Variants in GNRHR observed in about 807,000 individuals in gnomAD.
GNRHR encodes the protein gonadotropin-releasing hormone receptor.
In GNRHR, 14 loss-of-function variants were observed where a neutral mutation model predicts 28.1. The observed-to-expected ratio is 0.50, with a 90% CI of 0.33 to 0.78. The LOEUF (loss-of-function observed/expected upper bound fraction) is 0.78, where lower values mean the gene tolerates loss of function less well. Ranked by LOEUF, GNRHR falls within the 30% of genes least tolerant of loss-of-function variation. GNRHR has a pLI of 0.02. For synonymous variants in GNRHR, 141 were observed against 140.5 expected, an observed-to-expected ratio of 1.00 and a Z score of -0.02; for missense variants, 366 against 382.1, an observed-to-expected ratio of 0.96 and a Z score of 0.35.
At chr4:67,752,941 C>T (rs1257167924) in intron 1 of GNRHR, among the ~76,000 whole-genome samples, 3 of 152,162 alleles carry the variant, frequency 2.0e-5, no homozygotes, top group Non-Finnish European at 2.9e-5. Flanking sequence ...CTGGGTTTAT[C>T]ATGTAGTACA....
chr4:67,752,249 G>A (rs1039109546), intron 1 of GNRHR, among the ~76,000 whole-genome samples: 10 of 150,178 alleles, frequency 6.7e-5, no homozygotes, highest in African/African-American at 2.5e-4. Context: ...TTCTGTCACC[G>A]AGATTGCAGT....
chr4:67,751,284 T>G (rs998809985), intron 1 of GNRHR, among the ~76,000 whole-genome samples: 1 of 152,222 alleles, frequency 6.6e-6, no homozygotes, highest in African/African-American at 2.4e-5. Context: ...GCCATTGTCT[T>G]CATAGGTTTA....
intron 2 of GNRHR, among the ~76,000 whole-genome samples, chr4:67,743,732 T>G (rs1214830400): frequency 1.3e-5 from 2 of 152,190 alleles, no homozygotes; most frequent in African/African-American, 4.8e-5. Context: ...AAATGGAATC[T>G]CTCGAGATAA....
intron 1 of GNRHR, among the ~76,000 whole-genome samples, chr4:67,749,685 C>CCTTTCCTTCCTTCCTTCCTT (rs1731831238): frequency 2.0e-5 from 3 of 151,094 alleles, no homozygotes; most frequent in African/African-American, 4.9e-5. Flanking sequence ...CTCCCTGCCT[C>CCTTTCCTTCCTTCCTTCCTT]CTTTCCTTCG....
At chr4:67,753,729 A>ACTTC (rs1731912162) in intron 1 of GNRHR, 85 bp downstream of exon 1, 1 of 1,134,644 alleles carries the variant, frequency 8.8e-7, no homozygotes, top group Non-Finnish European at 1.3e-6. Flanking sequence ...GTAATACAGT[A>ACTTC]CTTCCTTTGA....
At chr4:67,741,456 G>A (rs1731658521) in intron 2 of GNRHR, among the ~76,000 whole-genome samples, 1 of 152,044 alleles carries the variant, frequency 6.6e-6, no homozygotes, top group Admixed American at 6.6e-5. Context: ...TGATTGATGG[G>A]CATTTGGGCT....
intron 2 of GNRHR, among the ~76,000 whole-genome samples, chr4:67,742,587 T>C (rs1260311290): frequency 6.6e-6 from 1 of 152,236 alleles, no homozygotes; most frequent in Non-Finnish European, 1.5e-5. Flanking sequence ...TCAGGCTGCC[T>C]ACCTGAAATT....
rs550420077 is a variant in GNRHR, at chr4:67,750,191, A to G, written c.522+3623T>C. ...ATTACTGAGATTTGAGCCCAACTCCATTTGAATCTCACACTCATGCCACTT... is the reference window on the plus strand; with the variant it reads ...ATTACTGAGATTTGAGCCCAACTCCGTTTGAATCTCACACTCATGCCACTT... On this transcript the variant is annotated intron_variant, in intron 1 of 2. Transcript: ENST00000226413. Among the ~76,000 whole-genome samples the G allele has an allele frequency of 3.9e-5, 6 of 152,228 alleles. No individual in the cohort carries two copies. The South Asian group carries it at 1.2e-3, about 32-fold the overall frequency.
intron 1 of GNRHR, among the ~76,000 whole-genome samples, chr4:67,751,298 C>T (rs766388943): frequency 7.9e-5 from 12 of 152,104 alleles, no homozygotes; most frequent in Admixed American, 5.2e-4. Flanking sequence ...AGGTTTAGAC[C>T]TTAGCTCTCT....
In GNRHR at chr4:67,740,165, G is replaced by A; in HGVS notation, c.*315C>T. 1 of 272,708 alleles carries A rather than the reference G, an allele frequency of 3.7e-6. No homozygotes were observed. The highest frequency in any genetic ancestry group is 7.1e-6 in the Non-Finnish European group (1 of 141,330). The allele number at this position is 272,708 out of a possible 1,614,324, so 16.9% of individuals were successfully genotyped here. On this transcript the variant is annotated 3_prime_UTR_variant, in exon 3 of 3. Transcript: ENST00000226413. ...GGCATCCTTGTGCCTTAGGCTGAAG[G>A]TATTTTAAATATTAGTACATTATTA...
At position 67,738,448 on chromosome 4, in the gene GNRHR, T is replaced by TA. The variant is rs766610755; in HGVS notation, c.*2031dup. Among the ~76,000 whole-genome samples, 131 of 143,828 alleles carry TA rather than the reference T, an allele frequency of 9.1e-4. No individual in the cohort carries two copies. The highest frequency in any genetic ancestry group is 3.5e-3 in the Middle Eastern group (1 of 284). 94.4% of individuals were successfully genotyped at this position (143,828 alleles called of 152,430 possible). A position where few individuals can be genotyped will look rare whatever the true frequency, so the allele number is the denominator to read the frequency against. On this transcript the variant is annotated 3_prime_UTR_variant, in exon 3 of 3. Transcript: ENST00000226413. Reference sequence around the variant, plus strand: ...TTCGAATAGCCCTTTAGTTAATGTGTAAAAAAAAAAAATGCCTGAGGCAAT... The same window carrying TA: ...TTCGAATAGCCCTTTAGTTAATGTGTAAAAAAAAAAAAATGCCTGAGGCAAT...
At position 67,739,070 on chromosome 4, in the gene GNRHR, A is replaced by T. The variant is rs1386649704; in HGVS notation, c.*1410T>A. Among the ~76,000 whole-genome samples the T allele has an allele frequency of 1.3e-5, 2 of 152,000 alleles. No homozygotes were observed. Among genetic ancestry groups the T allele is most frequent in the Non-Finnish European group, 2.9e-5 (2 of 67,890 alleles). ...TTTGTGGCAGTACATAGCTCATATA[A>T]ATATAATGGTATCTTACCTATTTAA... On this transcript the variant is annotated 3_prime_UTR_variant, in exon 3 of 3. Transcript: ENST00000226413.
rs747104264 is a variant in GNRHR, at chr4:67,753,814, C to T, written c.522G>A (p.Gln174=). 1 of 1,611,096 alleles carries T rather than the reference C, an allele frequency of 6.2e-7. No individual in the cohort carries two copies. Among genetic ancestry groups the T allele is most frequent in the Non-Finnish European group, 8.5e-7 (1 of 1,177,898 alleles). The change falls in exon 1 of 3, where the codon CAG becomes CAA. Residue 174 remains glutamine (Q), a splice_region_variant and synonymous_variant. Transcript: ENST00000226413. ...AATAAGTTTGTGTATAATGGCTTAC[C>T]TGTGGTCCTGCAAAGACACTACTGA... ...WILSSVFAGP[Q]LYIFRMIHLA... is the part of the protein sequence containing the mutation.
Position 67,753,835 on chromosome 4 carries a change from A to G in GNRHR, c.501T>C (p.Ser167=). The change falls in exon 1 of 3, where the codon AGT becomes AGC. Residue 167 remains serine (S), a synonymous_variant. Transcript: ENST00000226413. ...TTACCTGTGGTCCTGCAAAGACACT[A>G]CTGAGGATCCAGGCCAGGCCAACCA... ...QSMVGLAWIL[S]SVFAGPQLYI... The G allele has an allele frequency of 6.2e-7, 1 of 1,613,526 alleles. No individual in the cohort carries two copies. The highest frequency in any genetic ancestry group is 8.5e-7 in the Non-Finnish European group (1 of 1,179,708).
In GNRHR at chr4:67,739,448, T is replaced by C. The variant is rs1259942153; in HGVS notation, c.*1032A>G. The C allele has an allele frequency of 1.3e-5, 2 of 152,054 alleles. No homozygotes were observed. Among genetic ancestry groups the C allele is most frequent in the Non-Finnish European group, 2.9e-5 (2 of 67,936 alleles). The allele number at this position is 152,054 out of a possible 1,614,324, so 9.4% of individuals were successfully genotyped here. A position where few individuals can be genotyped will look rare whatever the true frequency, so the allele number is the denominator to read the frequency against. Reference sequence around the variant, plus strand: ...TTAAGAAACCCTGCATCAAGATCTTTCCCTCCTTCCCCTGACATGTTCTGT... The same window carrying C: ...TTAAGAAACCCTGCATCAAGATCTTCCCCTCCTTCCCCTGACATGTTCTGT... On this transcript the variant is annotated 3_prime_UTR_variant, in exon 3 of 3. Transcript: ENST00000226413.
rs919308276 is a variant in GNRHR, at chr4:67,737,304, G to T, written c.*3176C>A. On this transcript the variant is annotated 3_prime_UTR_variant, in exon 3 of 3. Transcript: ENST00000226413. ...GCATACATTTTATATAACTTTTAAA[G>T]TTAGACTAATTGTTTTAAACTTGAT... is the stretch of plus-strand genomic sequence containing the variant. Among the ~76,000 whole-genome samples the T allele has an allele frequency of 6.6e-6, 1 of 151,902 alleles. No individual in the cohort carries two copies. The highest frequency in any genetic ancestry group is 1.5e-5 in the Non-Finnish European group (1 of 67,908).
chr4:67,754,151 T>G lies in GNRHR; in HGVS notation c.185A>C (p.Lys62Thr). 6.2e-7 allele frequency: 1 copy of G among 1,613,950 alleles called. No individual in the cohort carries two copies. The highest frequency in any genetic ancestry group is 8.5e-7 in the Non-Finnish European group (1 of 1,179,820). The change falls in exon 1 of 3, where the codon AAG (lysine) becomes ACG (threonine). Residue 62 changes from lysine to threonine, a missense_variant. Coordinates refer to ENST00000226413, the MANE Select transcript of GNRHR (RefSeq NM_000406.3). ...FNASFLLKLQKWTQKKEKGKK... is the reference protein window; with the variant it reads ...FNASFLLKLQTWTQKKEKGKK... Reference sequence around the variant, plus strand: ...CCCTTTCTCTTTCTTCTGTGTCCACTTCTGAAGTTTCAACAAGAAAGAAGC... The same window carrying G: ...CCCTTTCTCTTTCTTCTGTGTCCACGTCTGAAGTTTCAACAAGAAAGAAGC...
In GNRHR at chr4:67,744,551, C is replaced by T. The variant is rs77573992; in HGVS notation, c.742+17G>A. The T allele has an allele frequency of 5.9e-4, 861 of 1,453,352 alleles. 3 individuals are homozygous for T. In the African/African-American group the frequency reaches 0.011, roughly 19 times the overall value. The allele number at this position is 1,453,352 out of a possible 1,614,324, so 90.0% of individuals were successfully genotyped here. A position where few individuals can be genotyped will look rare whatever the true frequency, so the allele number is the denominator to read the frequency against. Reference sequence around the variant, plus strand: ...AAAAACTGCCCACAAATGACACTAACTCTAAGGAATACATACCGTGGGGGT... The same window carrying T: ...AAAAACTGCCCACAAATGACACTAATTCTAAGGAATACATACCGTGGGGGT... On this transcript the variant is annotated intron_variant, in intron 2 of 2. Transcript: ENST00000226413.
chr4:67,748,723 AATAAAAT>A (rs958089271), intron 1 of GNRHR, among the ~76,000 whole-genome samples: 1 of 142,560 alleles, frequency 7.0e-6, no homozygotes, highest in Non-Finnish European at 1.6e-5. Context: ...TAATAATAAT[AATAAAAT>A]AAATAAATAA....
Sources: allele counts gnomAD v4.1 joint callset (sites outside exome capture counted in the v4.1 genomes callset), GRCh38; gene constraint gnomAD v4.1.1; transcripts MANE v1.5; gene names NCBI Gene and HGNC (gene_info 2026-07-23, HGNC 2026-07-21).